Variants in PPP1R13B observed in about 807,000 individuals in gnomAD.
PPP1R13B encodes the protein apoptosis-stimulating of p53 protein 1.
In PPP1R13B, 44 loss-of-function variants were observed where a neutral mutation model predicts 119.8. The observed-to-expected ratio is 0.37, with a 90% CI of 0.29 to 0.47. The LOEUF is 0.47. Ranked by LOEUF, PPP1R13B falls within the 20% of genes least tolerant of loss-of-function variation. The pLI is 0.99. For synonymous variants in PPP1R13B, 542 were observed against 561.5 expected (o/e 0.97, Z 0.49); for missense variants, 1,227 against 1,413.5 (o/e 0.87, Z 2.12).
At chr14:103,768,786 G>T (rs1439464212) in intron 4 of PPP1R13B, among the ~76,000 whole-genome samples, 1 of 152,160 alleles carries the variant, frequency 6.6e-6, no homozygotes, top group African/African-American at 2.4e-5. Context: ...GGCCAGGCTG[G>T]TCTCAAGCTC....
At chr14:103,744,711 G>A (rs1053946990) in intron 9 of PPP1R13B, among the ~76,000 whole-genome samples, 1 of 152,194 alleles carries the variant, frequency 6.6e-6, no homozygotes. Context: ...GGTTTACTGT[G>A]GCCATCTGTG....
chr14:103,757,516 G>T, intron 5 of PPP1R13B, 134 bp downstream of exon 5: 1 of 729,984 alleles, frequency 1.4e-6, no homozygotes, highest in Non-Finnish European at 2.3e-6. Flanking sequence ...AAGAGAGAAA[G>T]ACTGCATTTA....
At chr14:103,752,505 G>C (rs1424723399) in intron 7 of PPP1R13B, among the ~76,000 whole-genome samples, 3 of 151,094 alleles carry the variant, frequency 2.0e-5, no homozygotes, top group Non-Finnish European at 2.9e-5. Flanking sequence ...CCTTGAAATG[G>C]ATGAATTGTA....
Position 103,786,199 on chromosome 14 carries a change from C to A in PPP1R13B, c.158-1285G>T, listed in dbSNP as rs186923196. On this transcript the variant is annotated intron_variant, in intron 2 of 16. Transcript: ENST00000202556. ...GAAACTATAGGCATATGCCACCATG[C>A]CTGGATAATTTTTGTAATTTTTGTA... 1.4e-3 allele frequency among the ~76,000 whole-genome samples: 206 copies of A among 152,124 alleles called. 1 individual carries two copies. Among genetic ancestry groups the A allele is most frequent in the African/African-American group, 4.8e-3 (200 of 41,500 alleles).
At chr14:103,841,433 C>CA (rs1400707229) in intron 1 of PPP1R13B, among the ~76,000 whole-genome samples, 1 of 143,578 alleles carries the variant, frequency 7.0e-6, no homozygotes, top group Non-Finnish European at 1.5e-5. Flanking sequence ...ACTAAAAATA[C>CA]AAAAAAATTA....
At position 103,736,132 on chromosome 14, in the gene PPP1R13B, G is replaced by A. The variant is rs753271337; in HGVS notation, c.3102C>T (p.Asn1034=). ...AYALWDYEAQ[N]SDELSFHEGD... ...CTTCGTGGAAGGACAGCTCGTCACTGTTCTGGGCCTCGTAGTCCCACAGAG... is the reference window on the plus strand; with the variant it reads ...CTTCGTGGAAGGACAGCTCGTCACTATTCTGGGCCTCGTAGTCCCACAGAG... The change falls in exon 16 of 17, where the codon AAC becomes AAT. Residue 1034 remains asparagine (N), a synonymous_variant. Transcript: ENST00000202556. The A allele has an allele frequency of 6.2e-7, 1 of 1,614,110 alleles. No individual in the cohort carries two copies. Among genetic ancestry groups the A allele is most frequent in the East Asian group, 2.2e-5 (1 of 44,894 alleles).
intron 1 of PPP1R13B, among the ~76,000 whole-genome samples, chr14:103,825,861 TTGA>T (rs1246570942): frequency 1.3e-5 from 2 of 151,074 alleles, no homozygotes; most frequent in African/African-American, 4.9e-5. Flanking sequence ...TTTTTTTTTT[TTGA>T]GAGAGAGTCT....
chr14:103,821,589 T>A (rs1405755577), intron 1 of PPP1R13B, among the ~76,000 whole-genome samples: 1 of 152,032 alleles, frequency 6.6e-6, no homozygotes, highest in Non-Finnish European at 1.5e-5. Context: ...CCATCTCTAC[T>A]AAAAATACAA....
At chr14:103,808,107 T>C (rs2086061428) in intron 1 of PPP1R13B, among the ~76,000 whole-genome samples, 1 of 151,718 alleles carries the variant, frequency 6.6e-6, no homozygotes. Flanking sequence ...TAGCTGGGCG[T>C]GGTGGCACCT....
At chr14:103,754,561 CAAAAAAAAAAAAA>C (rs771794623) in intron 5 of PPP1R13B, among the ~76,000 whole-genome samples, 1 of 41,016 alleles carries the variant, frequency 2.4e-5, no homozygotes, top group Non-Finnish European at 4.4e-5. Flanking sequence ...GACTCAGTCT[CAAAAAAAAAAAAA>C]AAAAAAAAAA....
At chr14:103,815,504 C>T (rs2152063740) in intron 1 of PPP1R13B, among the ~76,000 whole-genome samples, 1 of 152,270 alleles carries the variant, frequency 6.6e-6, no homozygotes, top group Non-Finnish European at 1.5e-5. Flanking sequence ...CGCCTGTAAT[C>T]CCAGCACCTT....
intron 1 of PPP1R13B, chr14:103,846,981 C>G (rs2087055875): frequency 8.4e-7 from 1 of 1,190,486 alleles, no homozygotes; most frequent in African/African-American, 1.6e-5. Context: ...ACCCACCAGA[C>G]CTGTGCCCCA....
intron 1 of PPP1R13B, among the ~76,000 whole-genome samples, chr14:103,832,017 G>A (rs2086674541): frequency 6.6e-6 from 1 of 151,964 alleles, no homozygotes; most frequent in African/African-American, 2.4e-5. Context: ...GAGGCAGGAG[G>A]ATTGTTTGAG....
Position 103,739,863 on chromosome 14 carries a change from T to G in PPP1R13B, c.2553A>C (p.Ala851=), listed in dbSNP as rs1243929414. The part of the protein sequence containing the change: ...PSPGEEQVPP[A]PLPPASHPPA... ...GAGGGTGGCTGGCAGGGGGAAGAGG[T>G]GCTGGAGGGACCTGCTCTTCCCCTG... Residue 851 remains alanine (A), a synonymous_variant, in exon 12 of 17, where the codon GCA becomes GCC. Coordinates refer to ENST00000202556, the MANE Select transcript of PPP1R13B (RefSeq NM_015316.3). 6.2e-7 allele frequency: 1 copy of G among 1,612,808 alleles called. No homozygotes were observed. The highest frequency in any genetic ancestry group is 8.5e-7 in the Non-Finnish European group (1 of 1,179,648).
chr14:103,809,805 A>G (rs957627029), intron 1 of PPP1R13B, among the ~76,000 whole-genome samples: 2 of 150,098 alleles, frequency 1.3e-5, no homozygotes, highest in Admixed American at 1.3e-4. Flanking sequence ...CCTGGGTGAC[A>G]AAGTGAAACT....
chr14:103,753,286 T>C (rs898111126), intron 6 of PPP1R13B, 90 bp from the exon 7 acceptor site: 4 of 1,313,182 alleles, frequency 3.0e-6, no homozygotes, highest in South Asian at 2.9e-5. Flanking sequence ...TCTAGTATCA[T>C]TTAGTGCCAG....
intron 4 of PPP1R13B, among the ~76,000 whole-genome samples, chr14:103,765,990 TTATTATTATTA>T (rs2084929662): frequency 1.4e-5 from 2 of 143,286 alleles, no homozygotes; most frequent in African/African-American, 5.1e-5. Flanking sequence ...TTTTATTTTA[TTATTATTATTA>T]TTATTATTAT....
chr14:103,749,660 T>G, intron 8 of PPP1R13B, 134 bp downstream of exon 8: 1 of 926,280 alleles, frequency 1.1e-6, no homozygotes, highest in African/African-American at 1.7e-5. Flanking sequence ...GTTCTGTCAT[T>G]TTTGATGGTT....
Position 103,847,374 on chromosome 14 carries a change from C to CCG in PPP1R13B, c.-69_-68dup. 1 of 1,118,816 alleles carries CCG rather than the reference C, an allele frequency of 8.9e-7. No homozygotes were observed. Among genetic ancestry groups the CCG allele is most frequent in the Non-Finnish European group, 1.1e-6 (1 of 912,204 alleles). 69.3% of individuals were successfully genotyped at this position (1,118,816 alleles called of 1,614,324 possible). A position where few individuals can be genotyped will look rare whatever the true frequency, so the allele number is the denominator to read the frequency against. On this transcript the variant is annotated 5_prime_UTR_variant, in exon 1 of 17. Transcript: ENST00000202556. ...GACGCTCCGCGCCGAGCTGTGCCCACCGCTCCGGCCGCCTCCTAAGGCCGC... is the reference window on the plus strand; with the variant it reads ...GACGCTCCGCGCCGAGCTGTGCCCACCGCGCTCCGGCCGCCTCCTAAGGCCGC...
Sources: allele counts gnomAD v4.1 joint callset (sites outside exome capture counted in the v4.1 genomes callset), GRCh38; gene constraint gnomAD v4.1.1; transcripts MANE v1.5; gene names NCBI Gene and HGNC (gene_info 2026-07-23, HGNC 2026-07-21).